Variants in ERBB4 observed in about 807,000 individuals in gnomAD.
ERBB4 encodes the protein erb-b2 receptor tyrosine kinase 4, also known as receptor tyrosine-protein kinase erbB-4.
In ERBB4, 42 loss-of-function variants were observed where a neutral mutation model predicts 158.0. That is an observed-to-expected ratio of 0.27 (90% CI 0.21 to 0.34). The LOEUF (loss-of-function observed/expected upper bound fraction) is 0.34. ERBB4 is among the 10% of genes least tolerant of loss of function. The probability of loss-of-function intolerance (pLI) is 1.00; values close to 1 mark genes in which losing one functional copy is unlikely to be tolerated. For synonymous variants in ERBB4, 583 were observed against 558.7 expected, an observed-to-expected ratio of 1.04 and a Z score of -0.61; for missense variants, 1,333 against 1,624.1, an observed-to-expected ratio of 0.82 and a Z score of 3.08.
intron 2 of ERBB4, among the ~76,000 whole-genome samples, chr2:212,022,395 A>T (rs559480387): frequency 8.5e-5 from 13 of 152,280 alleles, no homozygotes; most frequent in African/African-American, 3.1e-4. Context: ...ACGTGGATGA[A>T]GCTGGAAGCC....
At chr2:211,703,296 A>G (rs1399963404) in intron 11 of ERBB4, among the ~76,000 whole-genome samples, 1 of 152,186 alleles carries the variant, frequency 6.6e-6, no homozygotes, top group African/African-American at 2.4e-5. Context: ...TATATACAGC[A>G]CTTTAATAGA....
chr2:211,928,414 C>T (rs565707634), intron 3 of ERBB4, among the ~76,000 whole-genome samples: 6 of 152,272 alleles, frequency 3.9e-5, no homozygotes, highest in African/African-American at 1.4e-4. Flanking sequence ...CAGAGGACTG[C>T]ACCTGTTTGT....
chr2:211,428,296 A>G (rs2063675916), intron 22 of ERBB4, 112 bp downstream of exon 22: 1 of 595,902 alleles, frequency 1.7e-6, no homozygotes, highest in Admixed American at 2.2e-5. Flanking sequence ...AATTAGGCTT[A>G]TCAATAGGTA....
rs559876357 is a variant in ERBB4, at chr2:211,837,689, A to G, written c.422-49530T>C. Among the ~76,000 whole-genome samples the G allele has an allele frequency of 5.3e-5, 8 of 152,166 alleles. No homozygotes were observed. In the East Asian group the frequency reaches 1.5e-3, roughly 29 times the overall value. ...TAGTCTCCACATCTTTAAAAATGAA[A>G]TACTAATCGAGTTTGTGTGTGAATA... On this transcript the variant is annotated intron_variant, in intron 3 of 27. Transcript: ENST00000342788.
chr2:212,525,838 T>A (rs1029802085), intron 1 of ERBB4, among the ~76,000 whole-genome samples: 5 of 152,174 alleles, frequency 3.3e-5, no homozygotes, highest in African/African-American at 1.2e-4. Context: ...TTTTAGAATA[T>A]GAAATTCTAC....
intron 2 of ERBB4, among the ~76,000 whole-genome samples, chr2:212,071,374 C>G (rs1287251388): frequency 1.3e-5 from 2 of 150,830 alleles, no homozygotes; most frequent in Admixed American, 6.6e-5. Context: ...TTCTGGGACA[C>G]TATATGCAAA....
At chr2:211,590,278 T>C (rs1242128329) in intron 19 of ERBB4, among the ~76,000 whole-genome samples, 1 of 152,170 alleles carries the variant, frequency 6.6e-6, no homozygotes, top group Non-Finnish European at 1.5e-5. Context: ...TAGTTTATAG[T>C]TTAAAACAAA....
intron 1 of ERBB4, among the ~76,000 whole-genome samples, chr2:212,333,396 AG>A (rs1289989978): frequency 1.3e-5 from 2 of 148,292 alleles, no homozygotes; most frequent in African/African-American, 4.9e-5. Context: ...TATATATTTC[AG>A]GCTGGACATG....
At chr2:211,973,875 T>A (rs954081920) in intron 2 of ERBB4, among the ~76,000 whole-genome samples, 2 of 152,082 alleles carry the variant, frequency 1.3e-5, no homozygotes, top group Non-Finnish European at 2.9e-5. Flanking sequence ...ATGTGGGACA[T>A]GTACACCATG....
At chr2:211,884,037 C>T (rs2078732015) in intron 3 of ERBB4, among the ~76,000 whole-genome samples, 1 of 152,020 alleles carries the variant, frequency 6.6e-6, no homozygotes, top group Admixed American at 6.6e-5. Context: ...TATAAATGAA[C>T]CTAAGTTCTG....
intron 19 of ERBB4, among the ~76,000 whole-genome samples, chr2:211,574,934 T>C (rs1013691191): frequency 6.6e-6 from 1 of 152,230 alleles, no homozygotes; most frequent in Non-Finnish European, 1.5e-5. Flanking sequence ...TGTTGAATTA[T>C]GTCAGCACAA....
chr2:211,586,412 T>A (rs1333967847), intron 19 of ERBB4, among the ~76,000 whole-genome samples: 1 of 152,174 alleles, frequency 6.6e-6, no homozygotes, highest in Admixed American at 6.5e-5. Flanking sequence ...ATAACATCAT[T>A]CAAAATAAGG....
intron 3 of ERBB4, among the ~76,000 whole-genome samples, chr2:211,866,410 T>C (rs73071342): frequency 0.03 from 4,630 of 152,240 alleles, 274 homozygotes; most frequent in African/African-American, 0.11. Context: ...ACCTAGACCA[T>C]GCCTGCCTTA....
In ERBB4 at chr2:212,130,735, G is replaced by A. The variant is rs191509758; in HGVS notation, c.83-5832C>T. On this transcript the variant is annotated intron_variant, in intron 1 of 27. Transcript: ENST00000342788. ...ATAATTATTTATTTGGCATCTACTC[G>A]TCTCCAAATGTCATGAAAAAATAAT... Among the ~76,000 whole-genome samples, 148 of 152,086 alleles carry A rather than the reference G, an allele frequency of 9.7e-4. 3 individuals carry two copies. Among genetic ancestry groups the A allele is most frequent in the Admixed American group, 8.7e-3 (133 of 15,274 alleles).
At chr2:211,571,038 C>CCTCTTTTTTTTTTTTTTTTTTTTT (rs1437512949) in intron 19 of ERBB4, among the ~76,000 whole-genome samples, 1 of 58,736 alleles carries the variant, frequency 1.7e-5, no homozygotes, top group African/African-American at 7.6e-5. Flanking sequence ...GAGTACTCTT[C>CCTCTTTTTTTTTTTTTTTTTTTTT]TTCTTTTTTT....
chr2:212,465,072 T>C (rs1688764119), intron 1 of ERBB4, among the ~76,000 whole-genome samples: 1 of 152,100 alleles, frequency 6.6e-6, no homozygotes, highest in Non-Finnish European at 1.5e-5. Context: ...GAAATAAATG[T>C]AAAGTGAAGC....
chr2:211,541,309 A>G (rs1274251832), intron 20 of ERBB4, among the ~76,000 whole-genome samples: 1 of 151,926 alleles, frequency 6.6e-6, no homozygotes, highest in Non-Finnish European at 1.5e-5. Flanking sequence ...GAAGAAATTG[A>G]GCTACTTTTT....
chr2:212,133,205 T>A (rs777969185), intron 1 of ERBB4, among the ~76,000 whole-genome samples: 12 of 152,022 alleles, frequency 7.9e-5, no homozygotes, highest in Non-Finnish European at 1.6e-4. Context: ...TTCATGTCAC[T>A]CCCCTACTGA....
intron 1 of ERBB4, among the ~76,000 whole-genome samples, chr2:212,530,717 T>C (rs34511581): frequency 6.6e-6 from 1 of 151,884 alleles, no homozygotes; most frequent in South Asian, 2.1e-4. Context: ...AGGTTTATGA[T>C]CCCCACTTGT....
Sources: allele counts gnomAD v4.1 joint callset (sites outside exome capture counted in the v4.1 genomes callset), GRCh38; gene constraint gnomAD v4.1.1; transcripts MANE v1.5; gene names NCBI Gene and HGNC (gene_info 2026-07-23, HGNC 2026-07-21).